The following UGT1A4 variants were observed in gnomAD, a reference collection of about 807,000 sequenced individuals.
The protein encoded by UGT1A4 is UDP-glucuronosyltransferase 1A4.
A neutral mutation model predicts 41.1 loss-of-function variants in UGT1A4; 32 were observed. The observed-to-expected ratio is 0.78, with a 90% confidence interval of 0.59 to 1.05. The LOEUF (loss-of-function observed/expected upper bound fraction) is 1.05. UGT1A4 is among the 50% of genes least tolerant of loss of function. UGT1A4 has a pLI of 0.00. For missense variants in UGT1A4, 748 were observed against 677.4 expected, an observed-to-expected ratio of 1.10 and a Z score of -1.16; for synonymous variants, 283 against 265.1, an observed-to-expected ratio of 1.07 and a Z score of -0.66.
In UGT1A4 at chr2:233,756,536, G is replaced by A. The variant is rs1381058944; in HGVS notation, c.868-10498G>A. Reference sequence around the variant, plus strand: ...AATGTGCATGTTATTCACTTTTCTTGACTGCTAAAACAACCAGGGAGATCC... The same window carrying A: ...AATGTGCATGTTATTCACTTTTCTTAACTGCTAAAACAACCAGGGAGATCC... On this transcript the variant is annotated intron_variant, in intron 1 of 4. Coordinates refer to ENST00000373409, the MANE Select transcript of UGT1A4 (RefSeq NM_007120.3). 2.0e-5 allele frequency among the ~76,000 whole-genome samples: 3 copies of A among 151,924 alleles called. No individual in the cohort carries two copies. The East Asian group carries it at 5.8e-4, about 29-fold the overall frequency.
At chr2:233,770,741 G>A (rs1433852574) in intron 4 of UGT1A4, 1 of 151,846 alleles carries the variant, frequency 6.6e-6, no homozygotes, top group Non-Finnish European at 1.5e-5. Flanking sequence ...CATGATTCAT[G>A]GCCAAGTACT....
chr2:233,745,544 C>T (rs1418147485), intron 1 of UGT1A4, among the ~76,000 whole-genome samples: 1 of 151,628 alleles, frequency 6.6e-6, no homozygotes, highest in Non-Finnish European at 1.5e-5. Context: ...GTCACCAGAA[C>T]AAACTTCTAA....
At chr2:233,736,231 C>G (rs570595506) in intron 1 of UGT1A4, among the ~76,000 whole-genome samples, 1 of 152,102 alleles carries the variant, frequency 6.6e-6, no homozygotes, top group African/African-American at 2.4e-5. Flanking sequence ...TTTTCTCTAA[C>G]CTTGTCTTCT....
At chr2:233,757,839 A>T (rs1696732636) in intron 1 of UGT1A4, among the ~76,000 whole-genome samples, 1 of 151,872 alleles carries the variant, frequency 6.6e-6, no homozygotes, top group Non-Finnish European at 1.5e-5. Flanking sequence ...GTGGCCTACT[A>T]ACTTATGTCT....
At chr2:233,744,159 G>A (rs958752952) in intron 1 of UGT1A4, 17 of 293,374 alleles carry the variant, frequency 5.8e-5, no homozygotes, top group African/African-American at 2.9e-4. Context: ...ACCAGGCCCC[G>A]CCCACTCCGG....
intron 1 of UGT1A4, among the ~76,000 whole-genome samples, chr2:233,749,893 C>T (rs141027223): frequency 6.6e-6 from 1 of 151,938 alleles, no homozygotes; most frequent in African/African-American, 2.4e-5. Context: ...GAGGCTCCCC[C>T]CTCCAGCCAC....
intron 4 of UGT1A4, chr2:233,770,359 G>A (rs1272591854): frequency 6.6e-6 from 1 of 152,118 alleles, no homozygotes; most frequent in Non-Finnish European, 1.5e-5. Context: ...TTGAATGAAT[G>A]AATGAAAGTT....
At chr2:233,754,555 A>G in intron 1 of UGT1A4, 1 of 389,272 alleles carries the variant, frequency 2.6e-6, no homozygotes, top group South Asian at 1.9e-5. Flanking sequence ...CTTGGTGTCA[A>G]TGGGGAGCAA....
rs202172337 is a variant in UGT1A4, at chr2:233,772,279, T to A, written c.1325T>A (p.Met442Lys). Residue 442 changes from methionine to lysine, a missense_variant, in exon 5 of 5, where the codon ATG (methionine) becomes AAG (lysine). Coordinates refer to ENST00000373409, the MANE Select transcript of UGT1A4 (RefSeq NM_007120.3). ...INDKSYKENIMRLSSLHKDRP... is the reference protein window; with the variant it reads ...INDKSYKENIKRLSSLHKDRP... ...GTGTTTAGTTACAAGGAGAACATCA[T>A]GCGCCTCTCCAGCCTTCACAAGGAC... 1.9e-6 allele frequency: 3 copies of A among 1,614,146 alleles called. No individual in the cohort carries two copies. Among genetic ancestry groups the A allele is most frequent in the African/African-American group, 2.7e-5 (2 of 74,942 alleles).
rs1270909103 is a variant in UGT1A4, at chr2:233,767,175, T to G, written c.999+10T>G. On this transcript the variant is annotated intron_variant, in intron 2 of 4. Transcript: ENST00000373409. Reference sequence around the variant, plus strand: ...CAAAATCCCTCAGACAGTAAGAAGATTCTATACCATGGCCTCATATCTATT... The same window carrying G: ...CAAAATCCCTCAGACAGTAAGAAGAGTCTATACCATGGCCTCATATCTATT... The G allele has an allele frequency of 1.4e-5, 22 of 1,613,924 alleles. No individual in the cohort carries two copies. The highest frequency in any genetic ancestry group is 1.9e-5 in the Non-Finnish European group (22 of 1,180,010).
At chr2:233,728,383 G>T (rs2077708725) in intron 1 of UGT1A4, among the ~76,000 whole-genome samples, 1 of 152,140 alleles carries the variant, frequency 6.6e-6, no homozygotes, top group Admixed American at 6.5e-5. Context: ...GTCTTTGCTA[G>T]GGTTGTCTTG....
At chr2:233,743,343 C>T in intron 1 of UGT1A4, 5 of 866,282 alleles carry the variant, frequency 5.8e-6, no homozygotes, top group South Asian at 1.4e-5. Context: ...CAGTGGAAGT[C>T]GACATGGACT....
At chr2:233,767,402 C>T (rs1699387838) in intron 2 of UGT1A4, among the ~76,000 whole-genome samples, 1 of 152,122 alleles carries the variant, frequency 6.6e-6, no homozygotes, top group Non-Finnish European at 1.5e-5. Flanking sequence ...ATCATTTTCT[C>T]TAAGAGACTC....
chr2:233,740,000 CTAAG>C (rs1449995031), intron 1 of UGT1A4, among the ~76,000 whole-genome samples: 3 of 151,814 alleles, frequency 2.0e-5, no homozygotes, highest in Non-Finnish European at 4.4e-5. Context: ...TCTTGTCATA[CTAAG>C]TGAGTTCTCA....
chr2:233,732,613 T>C (rs1008182580), intron 1 of UGT1A4, among the ~76,000 whole-genome samples: 11 of 152,338 alleles, frequency 7.2e-5, no homozygotes, highest in Admixed American at 4.6e-4. Context: ...ATCAAATGGT[T>C]GTAGATGTGT....
chr2:233,750,073 G>A (rs535406029), intron 1 of UGT1A4, among the ~76,000 whole-genome samples: 50 of 151,996 alleles, frequency 3.3e-4, no homozygotes, highest in East Asian at 3.9e-4. Flanking sequence ...CTGGGTAACA[G>A]GCAGAGGTTG....
intron 1 of UGT1A4, chr2:233,760,950 T>C: frequency 1.2e-6 from 2 of 1,614,226 alleles, no homozygotes; most frequent in East Asian, 2.2e-5. Context: ...CACAGAACTT[T>C]CTGTGCGACG....
chr2:233,728,185 C>T (rs1270906872), intron 1 of UGT1A4, among the ~76,000 whole-genome samples: 1 of 152,200 alleles, frequency 6.6e-6, no homozygotes, highest in African/African-American at 2.4e-5. Flanking sequence ...CTTATCAGAA[C>T]TTGGTGCTGG....
At chr2:233,771,960 T>A (rs1700422086) in intron 4 of UGT1A4, among the ~76,000 whole-genome samples, 1 of 152,076 alleles carries the variant, frequency 6.6e-6, no homozygotes, top group Non-Finnish European at 1.5e-5. Flanking sequence ...ACAAAAAATT[T>A]AAAAATTGGC....
Sources: gnomAD v4.1 joint callset for allele counts (sites outside exome capture counted in the v4.1 genomes callset) on GRCh38, gnomAD v4.1.1 for gene constraint, MANE v1.5 for transcripts, NCBI Gene and HGNC (gene_info 2026-07-23, HGNC 2026-07-21) for gene names.